The following LRTM2 variants were observed in gnomAD, a reference collection of about 807,000 sequenced individuals.
LRTM2 encodes the protein leucine-rich repeat and transmembrane domain-containing protein 2.
LRTM2 carries 18 observed loss-of-function variants against 28.1 expected under a neutral mutation model. That is an observed-to-expected ratio of 0.64 (90% CI 0.44 to 0.95). The LOEUF (loss-of-function observed/expected upper bound fraction) is 0.95. Ranked by LOEUF, LRTM2 falls within the 40% of genes least tolerant of loss-of-function variation. The pLI, the probability that LRTM2 is intolerant of heterozygous loss-of-function variation, is 0.00. For synonymous variants in LRTM2, 250 were observed against 218.7 expected (o/e 1.14, Z -1.26); for missense variants, 436 against 497.2 (o/e 0.88, Z 1.17).
chr12:1,833,389 G>T lies in LRTM2; in HGVS notation c.659-878G>T, dbSNP rs1192772260. Among the ~76,000 whole-genome samples the T allele has an allele frequency of 6.6e-6, 1 of 152,110 alleles. No individual in the cohort carries two copies. Among genetic ancestry groups the T allele is most frequent in the Non-Finnish European group, 1.5e-5 (1 of 68,012 alleles). On this transcript the variant is annotated intron_variant, in intron 4 of 4. Coordinates refer to ENST00000299194, the MANE Select transcript of LRTM2 (RefSeq NM_001039029.3). The surrounding 1 kb of genome is among the most constrained non-coding windows in gnomAD (Gnocchi z 4.2). ...CTAGGGGAGGTCTAGACAGATTATT[G>T]TCCTCAACCACCTTCTCTCTCACCC...
At chr12:1,832,018 C>T (rs1234131340) in intron 4 of LRTM2, among the ~76,000 whole-genome samples, 1 of 152,202 alleles carries the variant, frequency 6.6e-6, no homozygotes, top group African/African-American at 2.4e-5. Flanking sequence ...ACCAAATCTT[C>T]CTTTTGGTGA....
At chr12:1,826,716 G>A (rs530321516) in intron 1 of LRTM2, among the ~76,000 whole-genome samples, 2 of 152,270 alleles carry the variant, frequency 1.3e-5, no homozygotes, top group South Asian at 2.1e-4. Context: ...CGGGGGCAGA[G>A]CCGACTGTCC....
In LRTM2 at chr12:1,836,248, G is replaced by C; in HGVS notation, c.*1527G>C. 6.6e-6 allele frequency: 1 copy of C among 152,614 alleles called. No homozygotes were observed. Among genetic ancestry groups the C allele is most frequent in the East Asian group, 1.9e-4 (1 of 5,218 alleles). The allele number at this position is 152,614 out of a possible 1,614,324, so 9.5% of individuals were successfully genotyped here. ...CCCTCCCTAGCTCTGCCCCTCCTCAGAGTGTGAAGATGGTGGGTACCTAGG... is the reference window on the plus strand; with the variant it reads ...CCCTCCCTAGCTCTGCCCCTCCTCACAGTGTGAAGATGGTGGGTACCTAGG... On this transcript the variant is annotated 3_prime_UTR_variant, in exon 5 of 5. Transcript: ENST00000299194.
At position 1,830,985 on chromosome 12, in the gene LRTM2, C is replaced by T. The variant is rs1864598733; in HGVS notation, c.118C>T (p.Pro40Ser). 1 of 1,613,754 alleles carries T rather than the reference C, an allele frequency of 6.2e-7. No individual in the cohort carries two copies. The highest frequency in any genetic ancestry group is 1.3e-5 in the African/African-American group (1 of 74,918). Residue 40 changes from proline to serine, a missense_variant, in exon 4 of 5, where the codon CCT (proline) becomes TCT (serine). Pro to Ser is a moderately conservative substitution (Grantham distance 74). Transcript: ENST00000299194. The stretch of plus-strand genomic sequence containing the variant: ...TGCTGTGGAGGCCCTCCCCACCTGC[C>T]CTTTCTCCTGCAAGTGTGACAGCCG... ...LYAVEALPTC[P>S]FSCKCDSRSL...
Position 1,834,660 on chromosome 12 carries a change from C to A in LRTM2, c.1052C>A (p.Pro351His), listed in dbSNP as rs188652921. The change falls in exon 5 of 5, where the codon CCC becomes CAC. Residue 351 changes from proline to histidine, a missense_variant. Coordinates refer to ENST00000299194, the MANE Select transcript of LRTM2 (RefSeq NM_001039029.3). The surrounding 1 kb of genome is among the most constrained non-coding windows in gnomAD (Gnocchi z 7.6). ...CACCGGGAGCTCAAAAAGCGCCAGC[C>A]CCTGATGGGGGACCCCGAGGGCGAG... Reference protein sequence around the residue: ...KYHRELKKRQPLMGDPEGEHE... With the variant: ...KYHRELKKRQHLMGDPEGEHE... 1.2e-6 allele frequency: 2 copies of A among 1,601,548 alleles called. No individual in the cohort carries two copies. Among genetic ancestry groups the A allele is most frequent in the African/African-American group, 2.7e-5 (2 of 75,050 alleles).
Position 1,828,295 on chromosome 12 carries a change from C to A in LRTM2, c.67+80C>A. On this transcript the variant is annotated intron_variant, in intron 3 of 4. Coordinates refer to ENST00000299194, the MANE Select transcript of LRTM2 (RefSeq NM_001039029.3). The surrounding 1 kb of genome is among the most constrained non-coding windows in gnomAD (Gnocchi z 4.2). The stretch of plus-strand genomic sequence containing the variant: ...TGACTGTAGGTAGCGCCATATGGGA[C>A]CTTAGCCACACTCAGGCTGCAGGGA... 1 of 1,246,324 alleles carries A rather than the reference C, an allele frequency of 8.0e-7. No homozygotes were observed. The highest frequency in any genetic ancestry group is 1.1e-6 in the Non-Finnish European group (1 of 908,978). The allele number at this position is 1,246,324 out of a possible 1,614,324, so 77.2% of individuals were successfully genotyped here.
intron 2 of LRTM2, 186 bp from the exon 3 acceptor site, chr12:1,827,863 TCGGGCTCCTGGAAAGCCGAAGCCTGCC>T (rs1184853794): frequency 2.7e-6 from 1 of 373,888 alleles, no homozygotes; most frequent in Non-Finnish European, 4.8e-6. Flanking sequence ...TGCCCGACCC[TCGGGCTCCTGGAAAGCCGAAGCCTGCC>T]CCGCCCCCAT....
intron 1 of LRTM2, among the ~76,000 whole-genome samples, chr12:1,821,084 C>T (rs757607041): frequency 1.2e-4 from 19 of 152,152 alleles, no homozygotes; most frequent in Non-Finnish European, 1.9e-4. Flanking sequence ...GCAGCGCTGG[C>T]GCCAGATGAC....
chr12:1,827,245 C>A (rs923913251), intron 1 of LRTM2, among the ~76,000 whole-genome samples, 165 bp from the exon 2 acceptor site: 1 of 152,016 alleles, frequency 6.6e-6, no homozygotes, highest in Non-Finnish European at 1.5e-5. Flanking sequence ...GAGACCCCAG[C>A]ACACAGCCTG....
intron 1 of LRTM2, among the ~76,000 whole-genome samples, chr12:1,826,116 C>T (rs932802610): frequency 7.9e-5 from 12 of 152,068 alleles, no homozygotes; most frequent in African/African-American, 7.2e-5. Context: ...GAAAGAAAGC[C>T]GTCACAATAG....
rs753992994 is a variant in LRTM2, at chr12:1,835,537, G to A, written c.*816G>A. 2.6e-5 allele frequency: 4 copies of A among 152,596 alleles called. No homozygotes were observed. Among genetic ancestry groups the A allele is most frequent in the Admixed American group, 6.5e-5 (1 of 15,278 alleles). 9.5% of individuals were successfully genotyped at this position (152,596 alleles called of 1,614,324 possible). ...TCTCCCTGAGACCACAGAGCCTCTC[G>A]CGTGCTCACTGCAATCTTCTCAAGT... On this transcript the variant is annotated 3_prime_UTR_variant, in exon 5 of 5. Transcript: ENST00000299194.
rs1864507967 is a variant in LRTM2 at position 1,829,218 on chromosome 12, A to G, written c.67+1003A>G. On this transcript the variant is annotated intron_variant, in intron 3 of 4. Coordinates refer to ENST00000299194, the MANE Select transcript of LRTM2 (RefSeq NM_001039029.3). The surrounding 1 kb of genome is among the most constrained non-coding windows in gnomAD (Gnocchi z 4.2). ...GCAGCGGCTCTCTTAGCCTGCTGTC[A>G]GGCCCTTCTCTGGGAGGGGCGAGCG... 6.6e-6 allele frequency among the ~76,000 whole-genome samples: 1 copy of G among 152,190 alleles called. No homozygotes were observed. Among genetic ancestry groups the G allele is most frequent in the Non-Finnish European group, 1.5e-5 (1 of 68,036 alleles).
intron 1 of LRTM2, among the ~76,000 whole-genome samples, chr12:1,822,952 C>T (rs375794774): frequency 6.6e-6 from 1 of 152,222 alleles, no homozygotes; most frequent in African/African-American, 2.4e-5. Context: ...AAGGGCACGG[C>T]CCCTGCAGGC....
At chr12:1,825,961 G>C (rs1592681328) in intron 1 of LRTM2, among the ~76,000 whole-genome samples, 1 of 152,200 alleles carries the variant, frequency 6.6e-6, no homozygotes, top group Non-Finnish European at 1.5e-5. Context: ...TGAAGGTCAG[G>C]GCTCGAGGGA....
chr12:1,831,170 C>T lies in LRTM2; in HGVS notation c.303C>T (p.Asn101=). The T allele has an allele frequency of 5.6e-6, 9 of 1,614,050 alleles. No homozygotes were observed. The highest frequency in any genetic ancestry group is 6.8e-6 in the Non-Finnish European group (8 of 1,180,040). The change falls in exon 4 of 5, where the codon AAC becomes AAT. Residue 101 remains asparagine (N), a synonymous_variant. Coordinates refer to ENST00000299194, the MANE Select transcript of LRTM2 (RefSeq NM_001039029.3). ...LSSLQRLDLS[N]NFLDRLPRSI... is the part of the protein sequence containing the mutation. Reference sequence around the variant, plus strand: ...GCCTGCAGCGGTTGGACCTGTCCAACAACTTCCTGGACCGGCTGCCCCGCT... The same window carrying T: ...GCCTGCAGCGGTTGGACCTGTCCAATAACTTCCTGGACCGGCTGCCCCGCT...
At chr12:1,826,719 G>A (rs1046124987) in intron 1 of LRTM2, among the ~76,000 whole-genome samples, 7 of 152,280 alleles carry the variant, frequency 4.6e-5, no homozygotes, top group South Asian at 2.1e-4. Flanking sequence ...GGGCAGAGCC[G>A]ACTGTCCTGT....
At chr12:1,826,343 A>G (rs959773164) in intron 1 of LRTM2, among the ~76,000 whole-genome samples, 3 of 149,732 alleles carry the variant, frequency 2.0e-5, no homozygotes, top group African/African-American at 7.4e-5. Context: ...AAAGAAGCTG[A>G]GGCCCAGAGG....
At position 1,833,432 on chromosome 12, in the gene LRTM2, T is replaced by C. The variant is rs937551260; in HGVS notation, c.659-835T>C. Among the ~76,000 whole-genome samples the C allele has an allele frequency of 4.6e-5, 7 of 152,204 alleles. No homozygotes were observed. The East Asian group carries it at 1.4e-3, about 29-fold the overall frequency. ...TCTCACCCCAGCCCTGTCCTGCATCTGTGTCTCCCTCTGTCCAAGCCAGCC... is the reference window on the plus strand; with the variant it reads ...TCTCACCCCAGCCCTGTCCTGCATCCGTGTCTCCCTCTGTCCAAGCCAGCC... On this transcript the variant is annotated intron_variant, in intron 4 of 4. Coordinates refer to ENST00000299194, the MANE Select transcript of LRTM2 (RefSeq NM_001039029.3). The surrounding 1 kb of genome is among the most constrained non-coding windows in gnomAD (Gnocchi z 4.2).
rs1004933825 is a variant in LRTM2, at chr12:1,828,374, G to A, written c.67+159G>A. 1.3e-5 allele frequency among the ~76,000 whole-genome samples: 2 copies of A among 152,348 alleles called. No homozygotes were observed. The highest frequency in any genetic ancestry group is 2.4e-5 in the African/African-American group (1 of 41,586). On this transcript the variant is annotated intron_variant, in intron 3 of 4. Coordinates refer to ENST00000299194, the MANE Select transcript of LRTM2 (RefSeq NM_001039029.3). This position sits in a 1 kb window ranked among gnomAD's most constrained non-coding sequence, Gnocchi z 4.2. The stretch of plus-strand genomic sequence containing the variant: ...CGAGGCTATGTTCTGGGAAGCCAGG[G>A]TCACGCCCACGGTGACAGCATCCCT...
Sources: allele counts gnomAD v4.1 joint callset (sites outside exome capture counted in the v4.1 genomes callset), GRCh38; gene constraint gnomAD v4.1.1; non-coding constraint Gnocchi (gnomAD v3.1); transcripts MANE v1.5; gene names NCBI Gene and HGNC (gene_info 2026-07-23, HGNC 2026-07-21).